The following TMTC3 variants were observed in gnomAD, a reference collection of about 807,000 sequenced individuals.
TMTC3 encodes protein O-mannosyl-transferase TMTC3.
In TMTC3, 52 loss-of-function variants were observed where a neutral mutation model predicts 92.2. That is an observed-to-expected ratio of 0.56 (90% CI 0.45 to 0.71). The LOEUF (loss-of-function observed/expected upper bound fraction) is 0.71, where lower values mean the gene tolerates loss of function less well. TMTC3 is among the 30% of genes least tolerant of loss of function. The pLI is 0.00. For missense variants in TMTC3, 896 were observed against 1,057.1 expected (o/e 0.85, Z 2.11); for synonymous variants, 339 against 363.3 (o/e 0.93, Z 0.76).
At chr12:88,143,836 T>C (rs1479427269) in intron 1 of TMTC3, among the ~76,000 whole-genome samples, 1 of 152,320 alleles carries the variant, frequency 6.6e-6, no homozygotes, top group East Asian at 1.9e-4. Flanking sequence ...AGGATTGTTA[T>C]AGTTATTTCT....
At chr12:88,159,067 G>GA (rs538720655) in intron 4 of TMTC3, among the ~76,000 whole-genome samples, 321 of 113,004 alleles carry the variant, frequency 2.8e-3, no homozygotes, top group Non-Finnish European at 3.8e-3. Context: ...AAAAAAAAAG[G>GA]AAAAAAAAAA....
At chr12:88,158,490 A>ATT in intron 4 of TMTC3, among the ~76,000 whole-genome samples, 1 of 147,142 alleles carries the variant, frequency 6.8e-6, no homozygotes, top group African/African-American at 2.5e-5. Context: ...AGATTATAAG[A>ATT]TTTTTTTTTT....
intron 10 of TMTC3, among the ~76,000 whole-genome samples, chr12:88,180,516 T>C (rs1031530866): frequency 1.3e-5 from 2 of 152,154 alleles, no homozygotes; most frequent in African/African-American, 4.8e-5. Flanking sequence ...ACAGAAAGCA[T>C]AGTAAGGAAC....
chr12:88,174,570 A>G, intron 8 of TMTC3, 37 bp from the exon 9 acceptor site: 1 of 1,587,016 alleles, frequency 6.3e-7, no homozygotes, highest in Non-Finnish European at 8.5e-7. Flanking sequence ...GGTGATGAAG[A>G]CAATTTTTTT....
Position 88,198,356 on chromosome 12 carries a change from G to GTT in TMTC3, c.*2710_*2711dup, listed in dbSNP as rs1243709340. The GTT allele has an allele frequency of 2.5e-6, 1 of 398,070 alleles. No homozygotes were observed. Among genetic ancestry groups the GTT allele is most frequent in the African/African-American group, 2.1e-5 (1 of 48,726 alleles). The allele number at this position is 398,070 out of a possible 1,614,324, so 24.7% of individuals were successfully genotyped here. Reference sequence around the variant, plus strand: ...AGGTTTGTATGCTGGTGAATGGATAGTTTTAATTCTCACTGTCTCAAAAGA... The same window carrying GTT: ...AGGTTTGTATGCTGGTGAATGGATAGTTTTTTAATTCTCACTGTCTCAAAAGA... On this transcript the variant is annotated 3_prime_UTR_variant, in exon 14 of 14. Transcript: ENST00000266712.
At chr12:88,170,992 A>C (rs1267755541) in intron 7 of TMTC3, among the ~76,000 whole-genome samples, 1 of 152,166 alleles carries the variant, frequency 6.6e-6, no homozygotes, top group African/African-American at 2.4e-5. Flanking sequence ...AAGACTGTTG[A>C]TTTAAAGGGG....
intron 6 of TMTC3, among the ~76,000 whole-genome samples, chr12:88,164,912 A>C (rs1248933478): frequency 1.3e-5 from 2 of 152,044 alleles, no homozygotes; most frequent in African/African-American, 2.4e-5. Context: ...TTTATCTCTG[A>C]GTCTAGCCGT....
Position 88,166,587 on chromosome 12 carries a change from G to C in TMTC3, c.1050+5G>C. 2.5e-6 allele frequency: 4 copies of C among 1,605,044 alleles called. No individual in the cohort carries two copies. The highest frequency in any genetic ancestry group is 3.4e-6 in the Non-Finnish European group (4 of 1,176,798). ...TCCTCCAAGACTGTTTTAATGGTAA[G>C]AAACTTTTCTTAACTTCCAAATGAT... On this transcript the variant is annotated splice_donor_5th_base_variant and intron_variant, in intron 7 of 13. Coordinates refer to ENST00000266712, the MANE Select transcript of TMTC3 (RefSeq NM_181783.4).
Position 88,172,910 on chromosome 12 carries a change from C to T in TMTC3, c.1199+165C>T. The stretch of plus-strand genomic sequence containing the variant: ...CTTGTAAGTCAAGTTAGGAAAGCTC[C>T]ATGGCACCTACTTATTCTGTGTTCT... On this transcript the variant is annotated intron_variant, in intron 8 of 13. Coordinates refer to ENST00000266712, the MANE Select transcript of TMTC3 (RefSeq NM_181783.4). 5 of 1,505,616 alleles carry T rather than the reference C, an allele frequency of 3.3e-6. No homozygotes were observed. The South Asian group carries it at 4.8e-5, about 15-fold the overall frequency. The allele number at this position is 1,505,616 out of a possible 1,614,324, so 93.3% of individuals were successfully genotyped here. A position where few individuals can be genotyped will look rare whatever the true frequency, so the allele number is the denominator to read the frequency against.
At chr12:88,181,699 A>G (rs909035533) in intron 10 of TMTC3, among the ~76,000 whole-genome samples, 1 of 152,206 alleles carries the variant, frequency 6.6e-6, no homozygotes, top group Non-Finnish European at 1.5e-5. Flanking sequence ...TCTGTAATAA[A>G]TAGAGTAAGC....
chr12:88,143,289 TA>T (rs1419982638), intron 1 of TMTC3, among the ~76,000 whole-genome samples: 1 of 152,074 alleles, frequency 6.6e-6, no homozygotes, highest in African/African-American at 2.4e-5. Flanking sequence ...CAGTACAAAA[TA>T]AAAAGATACT....
At chr12:88,164,982 T>G (rs2041127695) in intron 6 of TMTC3, among the ~76,000 whole-genome samples, 1 of 152,160 alleles carries the variant, frequency 6.6e-6, no homozygotes, top group African/African-American at 2.4e-5. Flanking sequence ...GAATTGTTTA[T>G]ATAAGACTTC....
chr12:88,173,237 C>A, intron 8 of TMTC3: 2 of 403,416 alleles, frequency 5.0e-6, no homozygotes, highest in African/African-American at 2.1e-5. Context: ...TGTATATATG[C>A]TTAGGAACTA....
chr12:88,154,785 A>G (rs12321944), intron 4 of TMTC3, among the ~76,000 whole-genome samples: 10,536 of 152,192 alleles, frequency 0.069, 1,240 homozygotes, highest in African/African-American at 0.24. Context: ...GCCTCCTAGA[A>G]TATAACTTTT....
At chr12:88,185,883 T>G (rs2041372674) in intron 10 of TMTC3, among the ~76,000 whole-genome samples, 1 of 152,202 alleles carries the variant, frequency 6.6e-6, no homozygotes, top group African/African-American at 2.4e-5. Flanking sequence ...TTGCCTTCAG[T>G]AATACACAAT....
Position 88,174,647 on chromosome 12 carries a change from A to G in TMTC3, c.1240A>G (p.Ile414Val). The G allele has an allele frequency of 6.2e-7, 1 of 1,612,384 alleles. No individual in the cohort carries two copies. Among genetic ancestry groups the G allele is most frequent in the African/African-American group, 1.3e-5 (1 of 74,942 alleles). ...ATCCTGGATTTGTCTGTCTATGGTG[A>G]TACTCACTCATTCCTTAAAAACATT... Reference protein sequence around the residue: ...KLSWICLSMVILTHSLKTFHR... With the variant: ...KLSWICLSMVVLTHSLKTFHR... The change falls in exon 9 of 14, where the codon ATA (isoleucine) becomes GTA (valine). Residue 414 changes from isoleucine to valine, a missense_variant. By Grantham distance (29) the Ile-to-Val change is conservative (BLOSUM62 3). Coordinates refer to ENST00000266712, the MANE Select transcript of TMTC3 (RefSeq NM_181783.4).
chr12:88,149,010 T>C (rs2040909646), intron 2 of TMTC3, among the ~76,000 whole-genome samples: 1 of 152,278 alleles, frequency 6.6e-6, no homozygotes, highest in Admixed American at 6.5e-5. Flanking sequence ...AAAAGAGATG[T>C]GATATATTTC....
chr12:88,189,240 C>T (rs2041413979), intron 11 of TMTC3, among the ~76,000 whole-genome samples: 2 of 151,616 alleles, frequency 1.3e-5, no homozygotes, highest in African/African-American at 4.9e-5. Context: ...ACTACAGGTG[C>T]CTGCCACCAC....
chr12:88,195,550 AC>A lies in TMTC3; in HGVS notation c.2650del (p.His884ThrfsTer18), dbSNP rs1565961942. On this transcript the variant is annotated frameshift_variant, in exon 14 of 14. Coordinates refer to ENST00000266712, the MANE Select transcript of TMTC3 (RefSeq NM_181783.4). LOFTEE classifies it high-confidence loss of function. Reference protein sequence around the residue: ...QLGKNGDEETPHKTTKDIKEI... With the variant: ...QLGKNGDEETXHKTTKDIKEI... ...TAGGAAAAAATGGAGACGAAGAGAC[AC>A]CCCACAAAACAACAAAAGACATCAA... is the stretch of plus-strand genomic sequence containing the variant. 1.2e-6 allele frequency: 2 copies of A among 1,613,076 alleles called. No homozygotes were observed.
Sources: allele counts gnomAD v4.1 joint callset (sites outside exome capture counted in the v4.1 genomes callset), GRCh38; gene constraint gnomAD v4.1.1; transcripts MANE v1.5; gene names NCBI Gene and HGNC (gene_info 2026-07-23, HGNC 2026-07-21).